The following ARHGEF3 variants were observed in gnomAD, a reference collection of about 807,000 sequenced individuals.
The protein encoded by ARHGEF3 is 59.8 kDA protein.
A neutral mutation model predicts 63.2 loss-of-function variants in ARHGEF3; 28 were observed. That is an observed-to-expected ratio of 0.44 (90% CI 0.33 to 0.61). ARHGEF3 has a LOEUF of 0.61. Ranked by LOEUF, ARHGEF3 falls within the 20% of genes least tolerant of loss-of-function variation. The pLI is 0.03. For synonymous variants in ARHGEF3, 266 were observed against 254.2 expected (o/e 1.05, Z -0.44); for missense variants, 533 against 659.3 (o/e 0.81, Z 2.10).
chr3:56,998,238 C>G (rs910843862), intron 2 of ARHGEF3, among the ~76,000 whole-genome samples: 1 of 152,118 alleles, frequency 6.6e-6, no homozygotes, highest in East Asian at 1.9e-4. Flanking sequence ...TCTCTCTGCA[C>G]ACACACAAAA....
chr3:56,762,835 G>A (rs1391300523), intron 2 of ARHGEF3, among the ~76,000 whole-genome samples: 1 of 152,164 alleles, frequency 6.6e-6, no homozygotes, highest in East Asian at 1.9e-4. Context: ...GCCAGGACAG[G>A]AAAATGTTAA....
At position 56,846,361 on chromosome 3, in the gene ARHGEF3, G is replaced by A. The variant is rs115803008; in HGVS notation, c.192+35931C>T. Among the ~76,000 whole-genome samples, 1,078 of 152,276 alleles carry A rather than the reference G, an allele frequency of 7.1e-3. 3 individuals carry two copies. Among genetic ancestry groups the A allele is most frequent in the Middle Eastern group, 0.01 (3 of 294 alleles). ...CTCCAGATCATGGTCTTATAGCTCAGGGAGAGGTGTAGATCCTGAAAGTGG... is the reference window on the plus strand; with the variant it reads ...CTCCAGATCATGGTCTTATAGCTCAAGGAGAGGTGTAGATCCTGAAAGTGG... On this transcript the variant is annotated intron_variant, in intron 4 of 12. Transcript: ENST00000338458.
intron 2 of ARHGEF3, among the ~76,000 whole-genome samples, chr3:56,959,597 A>G (rs968088122): frequency 6.6e-6 from 1 of 152,242 alleles, no homozygotes; most frequent in African/African-American, 2.4e-5. Flanking sequence ...ATGTCTGTCA[A>G]TATGGATATT....
intron 1 of ARHGEF3, chr3:57,074,169 G>C (rs1449519319): frequency 6.2e-7 from 1 of 1,614,188 alleles, no homozygotes; most frequent in East Asian, 2.2e-5. Flanking sequence ...CAGTAGCACA[G>C]GGTGCAGCCG....
At chr3:56,835,890 C>T (rs9842692) in intron 4 of ARHGEF3, among the ~76,000 whole-genome samples, 16,350 of 152,234 alleles carry the variant, frequency 0.11, 1,002 homozygotes, top group Non-Finnish European at 0.13. Context: ...CACCTCCACA[C>T]AGACTTCCCG....
At chr3:56,739,940 C>T (rs1002839776) in intron 7 of ARHGEF3, among the ~76,000 whole-genome samples, 2 of 150,804 alleles carry the variant, frequency 1.3e-5, no homozygotes, top group Middle Eastern at 3.4e-3. Context: ...GTTCTTGTCA[C>T]CCAGGCTGGA....
chr3:57,029,375 G>A lies in ARHGEF3; in HGVS notation c.62+5713C>T, dbSNP rs1040993512. On this transcript the variant is annotated intron_variant, in intron 2 of 12. Coordinates refer to the ARHGEF3 transcript ENST00000338458. The stretch of plus-strand genomic sequence containing the variant: ...AACCCAGGAGCGGAGGTTGCAGTGA[G>A]CAGAGATCATGCCACTACACTCCAG... Among the ~76,000 whole-genome samples, 3 of 151,782 alleles carry A rather than the reference G, an allele frequency of 2.0e-5. No homozygotes were observed. In the South Asian group the frequency reaches 6.2e-4, roughly 32 times the overall value.
chr3:56,998,855 T>C (rs1483555857), intron 2 of ARHGEF3, among the ~76,000 whole-genome samples: 1 of 152,162 alleles, frequency 6.6e-6, no homozygotes, highest in Non-Finnish European at 1.5e-5. Context: ...CTGAAGCAGA[T>C]CCCATGTCCA....
intron 2 of ARHGEF3, among the ~76,000 whole-genome samples, chr3:56,757,876 C>T (rs1345576724): frequency 2.6e-5 from 4 of 151,766 alleles, no homozygotes; most frequent in Non-Finnish European, 5.9e-5. Flanking sequence ...GCACCTGCCA[C>T]CACGCCCGGC....
In ARHGEF3 at chr3:56,800,994, C is replaced by A. The variant is rs535922052; in HGVS notation, c.96+709G>T. ...GCAGACTAAACATAACCTGGGAGCA[C>A]TCCTTCACATCGCCCGCAAGGCACA... is the stretch of plus-strand genomic sequence containing the variant. On this transcript the variant is annotated intron_variant, in intron 1 of 9. Coordinates refer to ENST00000296315, the MANE Select transcript of ARHGEF3 (RefSeq NM_019555.3). Among the ~76,000 whole-genome samples the A allele has an allele frequency of 3.9e-5, 6 of 152,358 alleles. No homozygotes were observed. In the East Asian group the frequency reaches 1.2e-3, roughly 29 times the overall value.
chr3:57,037,136 G>T (rs569844630), intron 1 of ARHGEF3, among the ~76,000 whole-genome samples: 1 of 152,172 alleles, frequency 6.6e-6, no homozygotes, highest in South Asian at 2.1e-4. Context: ...CATCAGCTGA[G>T]ACATGTGCAT....
intron 1 of ARHGEF3, chr3:56,775,251 C>T: frequency 7.7e-7 from 1 of 1,293,804 alleles, no homozygotes; most frequent in Non-Finnish European, 9.9e-7. Flanking sequence ...CTGGAAAAAT[C>T]TTTCGTGAAT....
chr3:57,010,918 C>G (rs1422856331), intron 2 of ARHGEF3, among the ~76,000 whole-genome samples: 1 of 152,182 alleles, frequency 6.6e-6, no homozygotes, highest in Non-Finnish European at 1.5e-5. Flanking sequence ...AGATTAAAAG[C>G]AGCAAAATTT....
intron 4 of ARHGEF3, among the ~76,000 whole-genome samples, chr3:56,808,656 T>G (rs2037954548): frequency 6.6e-6 from 1 of 152,168 alleles, no homozygotes; most frequent in South Asian, 2.1e-4. Context: ...TTTTTGTTTT[T>G]TCAAAAAAAT....
chr3:56,930,898 G>A (rs557029864), intron 3 of ARHGEF3, among the ~76,000 whole-genome samples: 54 of 152,272 alleles, frequency 3.5e-4, no homozygotes, highest in African/African-American at 1.2e-3. Flanking sequence ...CAGGTATCAG[G>A]AGAAAAGAAA....
chr3:56,770,142 G>A (rs557832727), intron 2 of ARHGEF3, among the ~76,000 whole-genome samples: 1 of 152,318 alleles, frequency 6.6e-6, no homozygotes, highest in Non-Finnish European at 1.5e-5. Context: ...GCCAGGTGCA[G>A]TGGCTCATGT....
chr3:56,756,927 C>G (rs533681701), intron 2 of ARHGEF3, among the ~76,000 whole-genome samples: 1 of 152,276 alleles, frequency 6.6e-6, no homozygotes, highest in East Asian at 1.9e-4. Flanking sequence ...CAACATTCTC[C>G]CATCCTCCTC....
At position 56,859,582 on chromosome 3, in the gene ARHGEF3, T is replaced by G. The variant is rs2039998394; in HGVS notation, c.192+22710A>C. 2.7e-5 allele frequency among the ~76,000 whole-genome samples: 4 copies of G among 147,354 alleles called. No individual in the cohort carries two copies. In the South Asian group the frequency reaches 6.5e-4, roughly 24 times the overall value. On this transcript the variant is annotated intron_variant, in intron 4 of 12. Coordinates refer to the ARHGEF3 transcript ENST00000338458. The stretch of plus-strand genomic sequence containing the variant: ...TCTCACTCTGTCACCCAGGCTGGAG[T>G]GCAGTGGAGCAGAGATCTCGGCTCC...
chr3:56,750,574 T>G (rs2034675754), intron 6 of ARHGEF3, among the ~76,000 whole-genome samples: 1 of 152,050 alleles, frequency 6.6e-6, no homozygotes, highest in Non-Finnish European at 1.5e-5. Flanking sequence ...CCTAAAAAGT[T>G]TTTTTTAATA....
Sources: gnomAD v4.1 joint callset for allele counts (sites outside exome capture counted in the v4.1 genomes callset) on GRCh38, gnomAD v4.1.1 for gene constraint, MANE v1.5 for transcripts, NCBI Gene and HGNC (gene_info 2026-07-23, HGNC 2026-07-21) for gene names.